TTC39B: variants seen among roughly 807,000 people sequenced by gnomAD.
TTC39B encodes the protein tetratricopeptide repeat protein 39B.
TTC39B carries 92 observed loss-of-function variants against 96.6 expected under a neutral mutation model. That is an observed-to-expected ratio of 0.95 (90% CI 0.80 to 1.13). The LOEUF (loss-of-function observed/expected upper bound fraction) is 1.13. Among genes scored for constraint, TTC39B ranks in the 50% most tolerant of loss-of-function variants. The probability of loss-of-function intolerance (pLI) is 0.00; values close to 1 mark genes in which losing one functional copy is unlikely to be tolerated. For synonymous variants in TTC39B, 367 were observed against 299.4 expected (o/e 1.23, Z -2.33); for missense variants, 955 against 809.3 (o/e 1.18, Z -2.18).
chr9:15,268,911 C>T (rs564200751), intron 1 of TTC39B, among the ~76,000 whole-genome samples: 2 of 152,110 alleles, frequency 1.3e-5, no homozygotes, highest in African/African-American at 4.8e-5. Context: ...TTAGAAAAAT[C>T]CCAAACTCAT....
chr9:15,298,475 T>C (rs1370307204), intron 1 of TTC39B, among the ~76,000 whole-genome samples: 5 of 152,160 alleles, frequency 3.3e-5, no homozygotes, highest in African/African-American at 1.2e-4. Flanking sequence ...TGGTGAAAGA[T>C]GAAGGAGGAG....
chr9:15,182,398 C>T lies in TTC39B; in HGVS notation c.1632G>A (p.Trp544Ter). The T allele has an allele frequency of 6.2e-7, 1 of 1,610,568 alleles. No individual in the cohort carries two copies. The highest frequency in any genetic ancestry group is 8.5e-7 in the Non-Finnish European group (1 of 1,178,214). ...TTTTGCTCACTATTGAAAAACCATT[C>T]CAGACATACATCATTTCCTAATGAG... Residue 544 changes from tryptophan (W) to a stop codon, truncating the protein, a stop_gained, in exon 17 of 20, where the codon TGG becomes TGA. Transcript: ENST00000512701. LOFTEE classifies it high-confidence loss of function.
chr9:15,189,402 A>G (rs1183362177), intron 13 of TTC39B, among the ~76,000 whole-genome samples, 172 bp downstream of exon 13: 3 of 151,288 alleles, frequency 2.0e-5, no homozygotes, highest in African/African-American at 7.4e-5. Flanking sequence ...TTTATATAAT[A>G]GAATGTATAT....
At chr9:15,282,354 G>A (rs1010762909) in intron 1 of TTC39B, among the ~76,000 whole-genome samples, 2 of 152,216 alleles carry the variant, frequency 1.3e-5, no homozygotes, top group African/African-American at 4.8e-5. Flanking sequence ...TGAAATGACT[G>A]CAGAGGGATA....
chr9:15,171,536 A>G (rs1817660569), exon 20 of TTC39B: 1 of 152,636 alleles, frequency 6.6e-6, no homozygotes, highest in African/African-American at 2.4e-5. Flanking sequence ...TCTTTTTCAG[A>G]AGTCTTCTGA....
rs1423777203 is a variant in TTC39B, at chr9:15,214,259, A to G, written c.372-10T>C. The G allele has an allele frequency of 2.5e-6, 4 of 1,605,656 alleles. No individual in the cohort carries two copies. The highest frequency in any genetic ancestry group is 1.7e-6 in the Non-Finnish European group (2 of 1,172,830). ...CTTGGTTGATGATGAACTAAAGATC[A>G]AGAAAAAAGCACAGAGAATTTCTAT... On this transcript the variant is annotated splice_polypyrimidine_tract_variant and intron_variant, in intron 3 of 19. Transcript: ENST00000512701.
chr9:15,217,045 A>G (rs1046252079), intron 3 of TTC39B, among the ~76,000 whole-genome samples: 3 of 152,192 alleles, frequency 2.0e-5, no homozygotes, highest in Admixed American at 1.3e-4. Flanking sequence ...CGATGGGAAT[A>G]TCTAGGTTGA....
At chr9:15,290,736 C>A (rs529606590) in intron 1 of TTC39B, among the ~76,000 whole-genome samples, 1 of 152,286 alleles carries the variant, frequency 6.6e-6, no homozygotes, top group South Asian at 2.1e-4. Flanking sequence ...AAGAATGTGA[C>A]CCCTTACCTC....
chr9:15,252,393 A>G (rs1340258754), intron 2 of TTC39B, among the ~76,000 whole-genome samples: 1 of 152,232 alleles, frequency 6.6e-6, no homozygotes, highest in Non-Finnish European at 1.5e-5. Flanking sequence ...TCACGCCTGT[A>G]ATCCCAGCAC....
chr9:15,276,832 C>T (rs866179862), intron 1 of TTC39B, among the ~76,000 whole-genome samples: 1 of 152,150 alleles, frequency 6.6e-6, no homozygotes, highest in Non-Finnish European at 1.5e-5. Flanking sequence ...TGTGAGATAA[C>T]TCACAGAACA....
At chr9:15,182,592 T>C (rs1267988856) in intron 16 of TTC39B, among the ~76,000 whole-genome samples, 177 bp from the exon 17 acceptor site, 1 of 152,204 alleles carries the variant, frequency 6.6e-6, no homozygotes, top group Non-Finnish European at 1.5e-5. Flanking sequence ...GTATATATAT[T>C]TTTACCAAAA....
At chr9:15,298,453 G>C (rs1359632241) in intron 1 of TTC39B, among the ~76,000 whole-genome samples, 1 of 152,200 alleles carries the variant, frequency 6.6e-6, no homozygotes, top group Non-Finnish European at 1.5e-5. Flanking sequence ...GGCTGGGAAA[G>C]CCTCAAAATC....
At chr9:15,285,890 C>T (rs1823959351) in intron 1 of TTC39B, among the ~76,000 whole-genome samples, 1 of 152,176 alleles carries the variant, frequency 6.6e-6, no homozygotes, top group Admixed American at 6.5e-5. Context: ...ACCTGTGTGC[C>T]ATTTACCAAA....
At chr9:15,228,553 AG>A (rs1251090742) in intron 2 of TTC39B, among the ~76,000 whole-genome samples, 1 of 152,258 alleles carries the variant, frequency 6.6e-6, no homozygotes, top group African/African-American at 2.4e-5. Context: ...CACCGTAAAC[AG>A]TAAAAACAAA....
At chr9:15,302,303 GTGACCAAGCAAGACTCTGTC>G (rs1186122109) in intron 1 of TTC39B, among the ~76,000 whole-genome samples, 3 of 149,538 alleles carry the variant, frequency 2.0e-5, no homozygotes, top group African/African-American at 7.4e-5. Context: ...TCCAGCTTGG[GTGACCAAGCAAGACTCTGTC>G]TTTAAAAAAA....
chr9:15,210,591 G>A (rs1305702474), intron 5 of TTC39B, among the ~76,000 whole-genome samples: 3 of 152,160 alleles, frequency 2.0e-5, no homozygotes, highest in African/African-American at 7.2e-5. Context: ...TTCTGATCAT[G>A]AACCTTCTGC....
intron 8 of TTC39B, among the ~76,000 whole-genome samples, chr9:15,199,487 G>A (rs559922463): frequency 3.9e-5 from 6 of 151,974 alleles, no homozygotes; most frequent in African/African-American, 1.4e-4. Flanking sequence ...TGTAATCCCA[G>A]CACTTTGGGA....
chr9:15,181,495 A>G (rs1400046088), intron 17 of TTC39B, among the ~76,000 whole-genome samples: 10 of 152,200 alleles, frequency 6.6e-5, no homozygotes, highest in Non-Finnish European at 1.5e-4. Context: ...GAGAAAACAG[A>G]GGTGTTACCC....
At chr9:15,244,564 G>A (rs1010653319) in intron 2 of TTC39B, among the ~76,000 whole-genome samples, 5 of 152,158 alleles carry the variant, frequency 3.3e-5, no homozygotes, top group African/African-American at 1.2e-4. Context: ...AGGGAATGAA[G>A]TGGTGCTGAT....
Sources: gnomAD v4.1 joint callset for allele counts (sites outside exome capture counted in the v4.1 genomes callset) on GRCh38, gnomAD v4.1.1 for gene constraint, MANE v1.5 for transcripts, NCBI Gene and HGNC (gene_info 2026-07-23, HGNC 2026-07-21) for gene names.